Variants in PAPLN observed in about 807,000 individuals in gnomAD.
PAPLN encodes papilin.
A neutral mutation model predicts 159.0 loss-of-function variants in PAPLN; 146 were observed. The ratio of observed to expected loss-of-function variants is 0.92; its 90% CI spans 0.80 to 1.05. The LOEUF (loss-of-function observed/expected upper bound fraction) is 1.05, where lower values mean the gene tolerates loss of function less well. PAPLN is among the 50% of genes least tolerant of loss of function. The probability of loss-of-function intolerance (pLI) is 0.00; values close to 1 mark genes in which losing one functional copy is unlikely to be tolerated. For missense variants in PAPLN, 1,720 were observed against 1,743.9 expected (o/e 0.99, Z 0.24); for synonymous variants, 734 against 702.9 (o/e 1.04, Z -0.70).
chr14:73,262,097 C>T (rs1886647173), intron 18 of PAPLN: 2 of 448,398 alleles, frequency 4.5e-6, no homozygotes, highest in Admixed American at 4.0e-5. Flanking sequence ...GGAGCCCTGG[C>T]CCTGACCTCC....
intron 19 of PAPLN, 93 bp from the exon 20 acceptor site, chr14:73,263,552 G>A: frequency 2.6e-6 from 4 of 1,536,292 alleles, no homozygotes. Flanking sequence ...GACAGGATGG[G>A]CCCCAAGCTG....
chr14:73,271,395 G>GCTTTTTTAT (rs1223653556), intron 26 of PAPLN, among the ~76,000 whole-genome samples: 4 of 152,106 alleles, frequency 2.6e-5, no homozygotes, highest in African/African-American at 9.7e-5. Flanking sequence ...AGAAAGATAA[G>GCTTTTTTAT]CTTTCTCTGG....
chr14:73,248,249 A>ATGTGTGTG (rs376447361), intron 5 of PAPLN, among the ~76,000 whole-genome samples: 65 of 76,932 alleles, frequency 8.4e-4, no homozygotes, highest in African/African-American at 3.7e-3. Context: ...CATATCCTCT[A>ATGTGTGTG]TGTGTGTGTG....
At position 73,259,376 on chromosome 14, in the gene PAPLN, C is replaced by T; in HGVS notation, c.1816C>T (p.Leu606=). 1 of 1,612,452 alleles carries T rather than the reference C, an allele frequency of 6.2e-7. No individual in the cohort carries two copies. The highest frequency in any genetic ancestry group is 8.5e-7 in the Non-Finnish European group (1 of 1,179,346). ...CGACCAAGGCACCCACCTGTCAGCC[C>T]TGGGCCCCGCTCCCTCTCTGCAGCA... ...RGDQGTHLSA[L]GPAPSLQQPP... Residue 606 remains leucine, a synonymous_variant, in exon 16 of 27, where the codon CTG becomes TTG. Coordinates refer to ENST00000644200, the MANE Select transcript of PAPLN (RefSeq NM_001365906.3).
At chr14:73,258,945 C>G (rs764473410) in intron 14 of PAPLN, 34 bp from the exon 15 acceptor site, 2 of 1,577,524 alleles carry the variant, frequency 1.3e-6, no homozygotes, top group Admixed American at 3.6e-5. Flanking sequence ...CTTCCTCCCT[C>G]TCCGTCCCAC....
At position 73,262,644 on chromosome 14, in the gene PAPLN, T is replaced by G; in HGVS notation, c.2540T>G (p.Val847Gly). 4.6e-6 allele frequency: 7 copies of G among 1,508,042 alleles called. No homozygotes were observed. The highest frequency in any genetic ancestry group is 4.4e-6 in the Non-Finnish European group (5 of 1,123,986). The allele number at this position is 1,508,042 out of a possible 1,614,324, so 93.4% of individuals were successfully genotyped here. Residue 847 changes from valine to glycine, a missense_variant, in exon 19 of 27, where the codon GTG becomes GGG. Coordinates refer to ENST00000644200, the MANE Select transcript of PAPLN (RefSeq NM_001365906.3). ...AGCCAGCACAGGACAGGGGCCGCGGTGCAGAGAAAGCCCTGGCCTTCTGGT... is the reference window on the plus strand; with the variant it reads ...AGCCAGCACAGGACAGGGGCCGCGGGGCAGAGAAAGCCCTGGCCTTCTGGT... ...EPSQHRTGAA[V>G]QRKPWPSGGL...
intron 26 of PAPLN, among the ~76,000 whole-genome samples, chr14:73,269,935 G>C (rs1459418423): frequency 6.6e-6 from 1 of 152,238 alleles, no homozygotes; most frequent in Non-Finnish European, 1.5e-5. Flanking sequence ...AGGTCTGGCT[G>C]AAATGTTGCT....
At chr14:73,244,853 A>G (rs1360461160) in intron 3 of PAPLN, 94 bp downstream of exon 3, 4 of 948,400 alleles carry the variant, frequency 4.2e-6, no homozygotes, top group Non-Finnish European at 6.2e-6. Context: ...CTAGGCTAGC[A>G]CTGGCCACAT....
At chr14:73,236,924 A>T (rs1883068119), upstream of PAPLN, among the ~76,000 whole-genome samples, 1 of 150,322 alleles carries the variant, frequency 6.7e-6, no homozygotes, top group African/African-American at 2.5e-5. Flanking sequence ...GAGGGAGGGA[A>T]AGAAAGAAGA....
At chr14:73,254,756 C>A in intron 13 of PAPLN, 61 bp downstream of exon 13, 1 of 1,593,432 alleles carries the variant, frequency 6.3e-7, no homozygotes, top group Non-Finnish European at 8.6e-7. Context: ...GTGGCTGCAC[C>A]CGAGCGCCGT....
In PAPLN at chr14:73,239,746, C is replaced by T. The variant is rs369133836; in HGVS notation, c.-6-27C>T. ...CAGGACAGCTGCGGGAGCCCCGGGC[C>T]GCTCTAACCCAATGCGTCTCCCGCA... On this transcript the variant is annotated intron_variant, in intron 1 of 26. Transcript: ENST00000644200. The T allele has an allele frequency of 1.9e-6, 3 of 1,561,576 alleles. No individual in the cohort carries two copies. In the African/African-American group the frequency reaches 4.1e-5, roughly 21 times the overall value.
chr14:73,271,501 A>C (rs989332673), intron 26 of PAPLN, among the ~76,000 whole-genome samples: 1 of 145,162 alleles, frequency 6.9e-6, no homozygotes, highest in African/African-American at 2.8e-5. Context: ...CAGTAGAATG[A>C]AATTTTTTTT....
At chr14:73,252,906 G>C (rs1885457782) in intron 11 of PAPLN, 131 bp downstream of exon 11, 1 of 1,449,512 alleles carries the variant, frequency 6.9e-7, no homozygotes, top group African/African-American at 1.4e-5. Context: ...CTGTGGCTGG[G>C]GTGTGGGAGA....
In PAPLN at chr14:73,238,262, C is replaced by T. The variant is rs549017662; in HGVS notation, c.-7+670C>T. On this transcript the variant is annotated intron_variant, in intron 1 of 26. Transcript: ENST00000644200. The stretch of plus-strand genomic sequence containing the variant: ...AGGGTCGCCGCCTTCGGCCCTAGCT[C>T]AAGGCAGACGCGTTCCCCGGGAACA... Among the ~76,000 whole-genome samples, 5 of 152,328 alleles carry T rather than the reference C, an allele frequency of 3.3e-5. No individual in the cohort carries two copies. In the East Asian group the frequency reaches 7.7e-4, roughly 24 times the overall value.
chr14:73,260,733 A>G lies in PAPLN; in HGVS notation c.2010A>G (p.Val670=). 6.8e-7 allele frequency: 1 copy of G among 1,470,776 alleles called. No homozygotes were observed. Among genetic ancestry groups the G allele is most frequent in the Non-Finnish European group, 9.0e-7 (1 of 1,114,888 alleles). 91.1% of individuals were successfully genotyped at this position (1,470,776 alleles called of 1,614,324 possible). A position where few individuals can be genotyped will look rare whatever the true frequency, so the allele number is the denominator to read the frequency against. The change falls in exon 17 of 27, where the codon GTA becomes GTG. Residue 670 remains valine (V), a synonymous_variant. Transcript: ENST00000644200. Reference sequence around the variant, plus strand: ...GGTACGGGTGCTGCCCTGACAGGGTATCTGTCGCTGAGGGGCCCCATCACG... The same window carrying G: ...GGTACGGGTGCTGCCCTGACAGGGTGTCTGTCGCTGAGGGGCCCCATCACG... ...QSRYGCCPDR[V]SVAEGPHHAG...
At chr14:73,261,803 G>A (rs1237351353) in intron 18 of PAPLN, among the ~76,000 whole-genome samples, 5 of 152,220 alleles carry the variant, frequency 3.3e-5, no homozygotes, top group Admixed American at 2.6e-4. Context: ...CTCGCAGGAG[G>A]CACCCATGGT....
At chr14:73,260,078 T>C (rs1017802293) in intron 16 of PAPLN, among the ~76,000 whole-genome samples, 2 of 152,162 alleles carry the variant, frequency 1.3e-5, no homozygotes, top group Non-Finnish European at 2.9e-5. Context: ...TTGTGGCCAG[T>C]AGCCTGGGGG....
intron 5 of PAPLN, among the ~76,000 whole-genome samples, chr14:73,249,605 C>G (rs961591155): frequency 7.3e-6 from 1 of 136,850 alleles, no homozygotes; most frequent in Non-Finnish European, 1.5e-5. Flanking sequence ...ACTAGGGAGG[C>G]GGAGGTTGCA....
chr14:73,259,009 C>A lies in PAPLN; in HGVS notation c.1658C>A (p.Pro553His). 1 of 1,612,856 alleles carries A rather than the reference C, an allele frequency of 6.2e-7. No individual in the cohort carries two copies. Among genetic ancestry groups the A allele is most frequent in the Non-Finnish European group, 8.5e-7 (1 of 1,179,508 alleles). ...CCCAGCATGCAGGATGTGCACACCC[C>A]TGCCAGCAACCCCTGGATGCCGTTG... ...EVPSMQDVHT[P>H]ASNPWMPLGP... Residue 553 changes from proline (P) to histidine (H), a missense_variant, in exon 15 of 27, where the codon CCT becomes CAT. By Grantham distance (77) the Pro-to-His change is moderately conservative. Coordinates refer to ENST00000644200, the MANE Select transcript of PAPLN (RefSeq NM_001365906.3).
Sources: allele counts gnomAD v4.1 joint callset (sites outside exome capture counted in the v4.1 genomes callset), GRCh38; gene constraint gnomAD v4.1.1; transcripts MANE v1.5; gene names NCBI Gene and HGNC (gene_info 2026-07-23, HGNC 2026-07-21).